Variants in DMD observed in about 807,000 individuals in gnomAD.
DMD encodes dystrophin, also known as mutant dystrophin.
In DMD, 63 loss-of-function variants were observed where a neutral mutation model predicts 330.1. That is an observed-to-expected ratio of 0.19 (90% CI 0.16 to 0.24). DMD has a LOEUF of 0.24. Ranked by LOEUF, DMD falls within the 10% of genes least tolerant of loss-of-function variation. The pLI is 1.00. For synonymous variants in DMD, 1,223 were observed against 959.8 expected (o/e 1.27, Z -5.07); for missense variants, 3,344 against 2,684.1 (o/e 1.25, Z -5.43).
intron 2 of DMD, among the ~76,000 whole-genome samples, chrX:32,885,572 A>G (rs1009286760): frequency 8.9e-6 from 1 of 111,811 alleles, no homozygotes. Flanking sequence ...AATCTCATGA[A>G]AAATATATTA....
intron 63 of DMD, among the ~76,000 whole-genome samples, chrX:31,255,837 G>A (rs1174249786): frequency 1.0e-5 from 1 of 98,462 alleles, no homozygotes; most frequent in African/African-American, 3.9e-5. Flanking sequence ...GTGCTACAGC[G>A]TGATCTCAGC....
chrX:32,520,084 C>T lies in DMD; in HGVS notation c.2169-1953G>A, dbSNP rs537148639. Among the ~76,000 whole-genome samples the T allele has an allele frequency of 1.6e-4, 18 of 111,581 alleles. No individual in the cohort carries two copies. In the South Asian group the frequency reaches 6.8e-3, roughly 42 times the overall value. ...CTAGGGATCCTGATTCCTCTAAATC[C>T]CATGTCACTGAATGTCAGTAAGTTA... is the stretch of plus-strand genomic sequence containing the variant. On this transcript the variant is annotated intron_variant, in intron 17 of 78. Transcript: ENST00000357033.
intron 1 of DMD, among the ~76,000 whole-genome samples, chrX:33,149,953 C>T (rs751967005): frequency 1.4e-3 from 161 of 111,807 alleles, no homozygotes; most frequent in African/African-American, 5.1e-3. Flanking sequence ...ATAACCGGAA[C>T]ATAGCAAGAA....
chrX:31,572,394 A>G (rs762003278), intron 55 of DMD, among the ~76,000 whole-genome samples: 2 of 112,131 alleles, frequency 1.8e-5, no homozygotes, highest in South Asian at 7.4e-4. Context: ...CTGTATCTCT[A>G]AAAGAAAACA....
At chrX:32,251,934 G>A (rs1312489233) in intron 43 of DMD, among the ~76,000 whole-genome samples, 2 of 111,431 alleles carry the variant, frequency 1.8e-5, no homozygotes, top group African/African-American at 6.5e-5. Flanking sequence ...GGAGTTCAAG[G>A]CTGCAGTGAG....
intron 9 of DMD, among the ~76,000 whole-genome samples, chrX:32,668,189 C>G (rs1268634663): frequency 1.8e-5 from 2 of 111,103 alleles, no homozygotes; most frequent in African/African-American, 6.5e-5. Context: ...TACATTTCAT[C>G]TCAGAGCCTA....
intron 54 of DMD, among the ~76,000 whole-genome samples, chrX:31,639,392 G>A (rs552756152): frequency 1.8e-5 from 2 of 111,737 alleles, no homozygotes; most frequent in Non-Finnish European, 3.8e-5. Flanking sequence ...AACCTGGAAC[G>A]TAACTCAATT....
chrX:31,617,866 A>G lies in DMD; in HGVS notation c.8217+9807T>C, dbSNP rs779573055. ...AGATCAGATATAGAAAATGTGGTAC[A>G]TATACACCAGGGAATACTGTGCAGC... On this transcript the variant is annotated intron_variant, in intron 55 of 78. Transcript: ENST00000357033. Among the ~76,000 whole-genome samples the G allele has an allele frequency of 5.3e-5, 6 of 112,276 alleles. No homozygotes were observed. In the South Asian group the frequency reaches 2.2e-3, roughly 42 times the overall value.
chrX:31,676,262 C>T (rs1391465903), intron 53 of DMD, among the ~76,000 whole-genome samples: 1 of 112,065 alleles, frequency 8.9e-6, no homozygotes, highest in Non-Finnish European at 1.9e-5. Flanking sequence ...TATTTTCACA[C>T]TTTTTTCCTA....
chrX:32,366,339 A>G (rs1019572857), intron 34 of DMD, among the ~76,000 whole-genome samples: 2 of 111,855 alleles, frequency 1.8e-5, no homozygotes, highest in African/African-American at 6.5e-5. Context: ...GCTGAGCCAG[A>G]GCCCAACAGA....
At chrX:32,449,108 A>G (rs1179729795) in intron 26 of DMD, among the ~76,000 whole-genome samples, 1 of 111,049 alleles carries the variant, frequency 9.0e-6, no homozygotes, top group African/African-American at 3.3e-5. Context: ...TTGATGCTAT[A>G]TTTAGGAACA....
intron 44 of DMD, among the ~76,000 whole-genome samples, chrX:31,969,481 T>C (rs780348944): frequency 9.0e-6 from 1 of 111,462 alleles, no homozygotes; most frequent in East Asian, 2.9e-4. Flanking sequence ...CTTATGTCAC[T>C]GACAGAATAA....
intron 63 of DMD, among the ~76,000 whole-genome samples, chrX:31,226,526 C>T (rs1480079967): frequency 1.8e-5 from 2 of 111,716 alleles, no homozygotes; most frequent in East Asian, 2.8e-4. Flanking sequence ...TTTGCCTGGA[C>T]GCTGTCCTTT....
At chrX:32,189,973 A>G (rs1020029594) in intron 44 of DMD, among the ~76,000 whole-genome samples, 2 of 111,182 alleles carry the variant, frequency 1.8e-5, no homozygotes, top group African/African-American at 3.3e-5. Flanking sequence ...GACTGTAGCT[A>G]TATGTAAACA....
chrX:32,231,679 C>A (rs888271141), intron 43 of DMD, among the ~76,000 whole-genome samples: 1 of 111,705 alleles, frequency 9.0e-6, no homozygotes, highest in Non-Finnish European at 1.9e-5. Flanking sequence ...CTCTCACTGG[C>A]ACCATTACCT....
intron 60 of DMD, among the ~76,000 whole-genome samples, chrX:31,349,509 C>T (rs1200225213): frequency 2.7e-5 from 3 of 112,370 alleles, no homozygotes; most frequent in South Asian, 3.7e-4. Flanking sequence ...AACTAATTTT[C>T]GGAATTCAGT....
chrX:31,673,855 T>A, intron 53 of DMD, among the ~76,000 whole-genome samples: 1 of 111,773 alleles, frequency 8.9e-6, no homozygotes. Flanking sequence ...CTGTGTTCTA[T>A]CAGCAATGTA....
intron 1 of DMD, among the ~76,000 whole-genome samples, chrX:33,090,839 T>C (rs773717152): frequency 9.0e-6 from 1 of 111,043 alleles, no homozygotes; most frequent in Admixed American, 9.7e-5. Context: ...AAAGCTTAAA[T>C]CTTTCAGTCA....
intron 60 of DMD, among the ~76,000 whole-genome samples, chrX:31,358,907 T>C (rs2058797206): frequency 8.9e-6 from 1 of 112,173 alleles, no homozygotes; most frequent in Non-Finnish European, 1.9e-5. Context: ...TGTTCCCAAA[T>C]AGTCAGCCTT....
Sources: gnomAD v4.1 joint callset for allele counts (sites outside exome capture counted in the v4.1 genomes callset) on GRCh38, gnomAD v4.1.1 for gene constraint, MANE v1.5 for transcripts, NCBI Gene and HGNC (gene_info 2026-07-23, HGNC 2026-07-21) for gene names.